SLC25A41: variants seen among roughly 807,000 people sequenced by gnomAD.
SLC25A41 encodes the protein solute carrier family 25 member 41, also known as mitochondrial carrier protein SCaMC-3L.
SLC25A41 carries 35 observed loss-of-function variants against 34.7 expected under a neutral mutation model. The ratio of observed to expected loss-of-function variants is 1.01; its 90% confidence interval spans 0.77 to 1.34. The LOEUF is 1.34. SLC25A41 is among the 40% of genes most tolerant of loss of function. The pLI, the probability that SLC25A41 is intolerant of heterozygous loss-of-function variation, is 0.00. For missense variants in SLC25A41, 492 were observed against 489.8 expected, an observed-to-expected ratio of 1.00 and a Z score of -0.04; for synonymous variants, 190 against 209.9, an observed-to-expected ratio of 0.91 and a Z score of 0.82.
rs189592182 is a variant in SLC25A41 at position 6,433,461 on chromosome 19, G to A, written c.207+26C>T. On this transcript the variant is annotated intron_variant, in intron 1 of 6. Transcript: ENST00000321510. The stretch of plus-strand genomic sequence containing the variant: ...CCCTGTAGTCCTGACCAGAGGTGCC[G>A]GGACACTGGTGTTTCCTAAACTCAC... 2.7e-5 allele frequency: 43 copies of A among 1,608,722 alleles called. No homozygotes were observed. In the East Asian group the frequency reaches 3.6e-4, roughly 13 times the overall value.
chr19:6,435,491 C>T (rs2092305692), upstream of SLC25A41, among the ~76,000 whole-genome samples: 1 of 150,236 alleles, frequency 6.7e-6, no homozygotes, highest in South Asian at 2.1e-4. Context: ...GAGGCCAAGG[C>T]AGGTGGATCA....
chr19:6,431,586 C>T (rs967076831), intron 2 of SLC25A41, among the ~76,000 whole-genome samples: 1 of 151,874 alleles, frequency 6.6e-6, no homozygotes, highest in Non-Finnish European at 1.5e-5. Flanking sequence ...ACTACAGGCA[C>T]GCACCACCAT....
rs1386767635 is a variant in SLC25A41, at chr19:6,430,094, C to T, written c.431G>A (p.Gly144Asp). Residue 144 changes from glycine (G) to aspartate (D), a missense_variant, in exon 3 of 7, where the codon GGC (glycine) becomes GAC (aspartate). Physicochemically the swap from Gly to Asp is moderately conservative, Grantham distance 94. Transcript: ENST00000321510. ...GTTGCCCCGCCACAGGGAGCGGAAG[C>T]CGCCCTCCTGGACCATGCTCTGTAG... Reference protein sequence around the residue: ...GGLQSMVQEGGFRSLWRGNGI... With the variant: ...GGLQSMVQEGDFRSLWRGNGI... The T allele has an allele frequency of 1.2e-6, 2 of 1,613,296 alleles. No individual in the cohort carries two copies. Among genetic ancestry groups the T allele is most frequent in the Non-Finnish European group, 1.7e-6 (2 of 1,179,696 alleles).
rs555489467 is a variant in SLC25A41 at position 6,428,363 on chromosome 19, G to T, written c.625-862C>A. On this transcript the variant is annotated intron_variant, in intron 4 of 6. Coordinates refer to ENST00000321510, the MANE Select transcript of SLC25A41 (RefSeq NM_173637.4). The stretch of plus-strand genomic sequence containing the variant: ...GCAGTGAGCAGTGAGTCAAGATCGT[G>T]CCACTGCACTCCAGCCTGGGTGACA... 4.7e-5 allele frequency among the ~76,000 whole-genome samples: 7 copies of T among 148,022 alleles called. No individual in the cohort carries two copies. The East Asian group carries it at 1.4e-3, about 29-fold the overall frequency.
chr19:6,430,462 T>G (rs1599258166), intron 2 of SLC25A41: 6 of 437,236 alleles, frequency 1.4e-5, no homozygotes, highest in African/African-American at 2.2e-5. Flanking sequence ...GTTCCCTCCC[T>G]CCCTCCCTTC....
chr19:6,431,558 G>A (rs2092285628), intron 2 of SLC25A41, among the ~76,000 whole-genome samples: 1 of 151,886 alleles, frequency 6.6e-6, no homozygotes, highest in Admixed American at 6.6e-5. Flanking sequence ...TCCTGCCTCA[G>A]CCTCCTATGT....
intron 1 of SLC25A41, among the ~76,000 whole-genome samples, 191 bp from the exon 2 acceptor site, chr19:6,432,395 C>T (rs1350235768): frequency 5.9e-5 from 9 of 151,714 alleles, no homozygotes; most frequent in East Asian, 1.9e-4. Context: ...TCGTTGCAAC[C>T]TCCACCTCCC....
Position 6,427,261 on chromosome 19 carries a change from A to T in SLC25A41, c.793-11T>A, listed in dbSNP as rs142507496. The T allele has an allele frequency of 1.6e-4, 257 of 1,612,156 alleles. No individual in the cohort carries two copies. In the East Asian group the frequency reaches 2.9e-3, roughly 18 times the overall value. ...GAAGCACTGGAGCATCTGCAAGAGA[A>T]GGGGGCCAGGAGAAAGCTCACTAGG... On this transcript the variant is annotated splice_polypyrimidine_tract_variant and intron_variant, in intron 5 of 6. Transcript: ENST00000321510. This position sits in a 1 kb window ranked among gnomAD's most constrained non-coding sequence, Gnocchi z 4.9.
upstream of SLC25A41, among the ~76,000 whole-genome samples, chr19:6,434,949 G>A (rs762299662): frequency 2.0e-5 from 3 of 151,894 alleles, no homozygotes; most frequent in Admixed American, 6.6e-5. Context: ...TAGGCTGGGC[G>A]CCGTGGCTCA....
At position 6,429,036 on chromosome 19, in the gene SLC25A41, TATAA is replaced by T. The variant is rs1218141986; in HGVS notation, c.624+684_624+687del. ...TGGCCTGAAAATTTATATATATATA[TATAA>T]TATATATATTATATATATGTTATAT... On this transcript the variant is annotated intron_variant, in intron 4 of 6. Coordinates refer to ENST00000321510, the MANE Select transcript of SLC25A41 (RefSeq NM_173637.4). 5.2e-3 allele frequency among the ~76,000 whole-genome samples: 207 copies of T among 39,764 alleles called. 37 individuals carry two copies. The highest frequency in any genetic ancestry group is 0.043 in the African/African-American group (199 of 4,642). 26.1% of individuals were successfully genotyped at this position (39,764 alleles called of 152,430 possible). A position where few individuals can be genotyped will look rare whatever the true frequency, so the allele number is the denominator to read the frequency against.
At chr19:6,431,253 C>T (rs1290363491) in intron 2 of SLC25A41, among the ~76,000 whole-genome samples, 2 of 151,328 alleles carry the variant, frequency 1.3e-5, no homozygotes, top group Non-Finnish European at 2.9e-5. Context: ...AGCCACTGCA[C>T]CCGTTTATTT....
At chr19:6,434,145 G>A (rs113633307), upstream of SLC25A41, among the ~76,000 whole-genome samples, 1,173 of 152,144 alleles carry the variant, frequency 7.7e-3, 15 homozygotes, top group African/African-American at 0.027. Context: ...GGGTTTCACC[G>A]TGTTAGCCAG....
In SLC25A41 at chr19:6,427,208, C is replaced by A; in HGVS notation, c.835G>T (p.Asp279Tyr). The A allele has an allele frequency of 6.2e-7, 1 of 1,612,610 alleles. No homozygotes were observed. ...FWVKSGRDMGDPSGLVSLSSV... is the reference protein window; with the variant it reads ...FWVKSGRDMGYPSGLVSLSSV... ...GACAGACTGACCAGGCCACTGGGGT[C>A]CCCCATATCCCTGCCTGACTTCACC... Residue 279 changes from aspartate (D) to tyrosine (Y), a missense_variant, in exon 6 of 7, where the codon GAC (aspartate) becomes TAC (tyrosine). Physicochemically the swap from Asp to Tyr is radical, Grantham distance 160. Coordinates refer to ENST00000321510, the MANE Select transcript of SLC25A41 (RefSeq NM_173637.4). The surrounding 1 kb of genome is among the most constrained non-coding windows in gnomAD (Gnocchi z 4.9).
intron 1 of SLC25A41, among the ~76,000 whole-genome samples, chr19:6,433,152 G>A (rs1054009676): frequency 2.6e-5 from 4 of 152,080 alleles, no homozygotes; most frequent in African/African-American, 7.2e-5. Context: ...GAGTTCAAGC[G>A]ATTCTCCTGC....
chr19:6,432,473 ATTTT>A (rs34519561), intron 1 of SLC25A41, among the ~76,000 whole-genome samples: 1 of 80,986 alleles, frequency 1.2e-5, no homozygotes, highest in Non-Finnish European at 2.2e-5. Context: ...ACAACACCTA[ATTTT>A]TTTTTTTTTT....
At position 6,432,301 on chromosome 19, in the gene SLC25A41, T is replaced by C; in HGVS notation, c.208-97A>G. ...CACCCACCTGGTGAAAGACCCACCC[T>C]GTTCCCCCAAGTCTGCATTTTTTTT... On this transcript the variant is annotated intron_variant, in intron 1 of 6. Transcript: ENST00000321510. 6 of 1,340,822 alleles carry C rather than the reference T, an allele frequency of 4.5e-6. No homozygotes were observed. The South Asian group carries it at 8.8e-5, about 20-fold the overall frequency. 83.1% of individuals were successfully genotyped at this position (1,340,822 alleles called of 1,614,324 possible).
chr19:6,430,662 A>C, intron 2 of SLC25A41: 1 of 244,398 alleles, frequency 4.1e-6, no homozygotes, highest in South Asian at 3.5e-5. Context: ...TTATTTTTGT[A>C]TTTTTAGTAG....
At chr19:6,429,057 ATG>A (rs1568349405) in intron 4 of SLC25A41, among the ~76,000 whole-genome samples, 1 of 38,428 alleles carries the variant, frequency 2.6e-5, no homozygotes, top group African/African-American at 1.4e-4. Context: ...TATTATATAT[ATG>A]TTATATATAT....
chr19:6,429,413 G>GGAGGAGGGAA (rs2092271635), intron 4 of SLC25A41, among the ~76,000 whole-genome samples: 2 of 34,402 alleles, frequency 5.8e-5, no homozygotes, highest in East Asian at 1.3e-3. Context: ...AAAGGAAGAG[G>GGAGGAGGGAA]GGAGGAGAAG....
Sources: gnomAD v4.1 joint callset for allele counts (sites outside exome capture counted in the v4.1 genomes callset) on GRCh38, gnomAD v4.1.1 for gene constraint, Gnocchi (gnomAD v3.1) non-coding constraint, MANE v1.5 for transcripts, NCBI Gene and HGNC (gene_info 2026-07-23, HGNC 2026-07-21) for gene names.